Variants in AACS observed in about 807,000 individuals in gnomAD.
AACS encodes the protein acetoacetate-CoA ligase.
Under a neutral mutation model 83.1 loss-of-function variants are expected in AACS, and 69 were observed. The ratio of observed to expected loss-of-function variants is 0.83; its 90% CI spans 0.68 to 1.01. AACS has a LOEUF of 1.01. AACS is among the 50% of genes least tolerant of loss of function. The pLI, the probability that AACS is intolerant of heterozygous loss-of-function variation, is 0.00. For synonymous variants in AACS, 333 were observed against 343.4 expected, an observed-to-expected ratio of 0.97 and a Z score of 0.33; for missense variants, 866 against 882.2, an observed-to-expected ratio of 0.98 and a Z score of 0.23.
chr12:125,099,488 C>G (rs931990375), intron 5 of AACS, among the ~76,000 whole-genome samples: 1 of 152,114 alleles, frequency 6.6e-6, no homozygotes. Flanking sequence ...ATCTTTTATT[C>G]TGTAGTCAAG....
intron 1 of AACS, among the ~76,000 whole-genome samples, chr12:125,066,864 C>T (rs555803326): frequency 9.2e-5 from 14 of 152,228 alleles, no homozygotes; most frequent in Admixed American, 7.8e-4. Flanking sequence ...GGGATGGACA[C>T]CCCAGTCACC....
intron 12 of AACS, chr12:125,125,858 G>A (rs1957238390): frequency 6.6e-6 from 1 of 152,138 alleles, no homozygotes; most frequent in South Asian, 2.1e-4. Context: ...ATTACAAGGT[G>A]CGGTCATTTT....
At position 125,129,706 on chromosome 12, in the gene AACS, A is replaced by T. The variant is rs1957302582; in HGVS notation, c.1549+246A>T. Among the ~76,000 whole-genome samples, 1 of 152,102 alleles carries T rather than the reference A, an allele frequency of 6.6e-6. No individual in the cohort carries two copies. Among genetic ancestry groups the T allele is most frequent in the Non-Finnish European group, 1.5e-5 (1 of 68,032 alleles). On this transcript the variant is annotated intron_variant, in intron 14 of 17. Transcript: ENST00000316519. This position sits in a 1 kb window ranked among gnomAD's most constrained non-coding sequence, Gnocchi z 4.3. ...TTGAATCTCAGCCACCTCTGCCCAGAGCCTCTTGGCCCCAGCCCCTGCTGC... is the reference window on the plus strand; with the variant it reads ...TTGAATCTCAGCCACCTCTGCCCAGTGCCTCTTGGCCCCAGCCCCTGCTGC...
intron 1 of AACS, among the ~76,000 whole-genome samples, chr12:125,071,890 T>C (rs576398218): frequency 2.7e-4 from 41 of 152,264 alleles, no homozygotes; most frequent in African/African-American, 9.4e-4. Context: ...AGAGTTTCGC[T>C]CTTGTTGCCC....
In AACS at chr12:125,113,256, C is replaced by A. The variant is rs569371491; in HGVS notation, c.916-1221C>A. Reference sequence around the variant, plus strand: ...TTCCCTTGGGTATAATGAGGGCCTTCATGGCTGGGTTTTAATATATAAGTC... The same window carrying A: ...TTCCCTTGGGTATAATGAGGGCCTTAATGGCTGGGTTTTAATATATAAGTC... On this transcript the variant is annotated intron_variant, in intron 8 of 17. Coordinates refer to ENST00000316519, the MANE Select transcript of AACS (RefSeq NM_023928.5). The surrounding 1 kb of genome is among the most constrained non-coding windows in gnomAD (Gnocchi z 4.8). 6.6e-5 allele frequency among the ~76,000 whole-genome samples: 10 copies of A among 152,222 alleles called. No individual in the cohort carries two copies. Among genetic ancestry groups the A allele is most frequent in the Admixed American group, 1.3e-4 (2 of 15,288 alleles).
At position 125,065,620 on chromosome 12, in the gene AACS, C is replaced by T. The variant is rs768854343; in HGVS notation, c.36C>T (p.Ile12=). 2.7e-5 allele frequency: 42 copies of T among 1,540,012 alleles called. No homozygotes were observed. The African/African-American group carries it at 5.6e-4, about 21-fold the overall frequency. Residue 12 remains isoleucine (I), a synonymous_variant, in exon 1 of 18, where the codon ATC becomes ATT. Transcript: ENST00000316519. ...AGGAGCGCCCCGGTCGGGAGGAGAT[C>T]CTGGAGTGCCAGGTGATGTGGGAGC... is the stretch of plus-strand genomic sequence containing the variant. ...SKEERPGREE[I]LECQVMWEPD...
In AACS at chr12:125,073,925, C is replaced by T; in HGVS notation, c.183C>T (p.Phe61=). ...GGTCCGTTGAGTCATATTCAGACTT[C>T]TGGGCAGAGTTCTGGAAATTCAGTG... is the stretch of plus-strand genomic sequence containing the variant. ...YHWSVESYSD[F]WAEFWKFSGI... Residue 61 remains phenylalanine (F), a synonymous_variant, in exon 2 of 18, where the codon TTC becomes TTT. Coordinates refer to ENST00000316519, the MANE Select transcript of AACS (RefSeq NM_023928.5). 6.2e-7 allele frequency: 1 copy of T among 1,614,130 alleles called. No homozygotes were observed. The highest frequency in any genetic ancestry group is 1.3e-5 in the African/African-American group (1 of 75,028).
chr12:125,114,524 G>T lies in AACS; in HGVS notation c.963G>T (p.Met321Ile). ...HLKEHLLHGN[M>I]TSSDILLCYT... is the part of the protein sequence containing the mutation. The stretch of plus-strand genomic sequence containing the variant: ...AGGAGCACCTGCTGCACGGCAACAT[G>T]ACCAGCAGTGACATCCTCCTGTGCT... The change falls in exon 9 of 18, where the codon ATG becomes ATT. Residue 321 changes from methionine (M) to isoleucine (I), a missense_variant. Met to Ile is a conservative substitution (Grantham distance 10). Transcript: ENST00000316519. 6.2e-7 allele frequency: 1 copy of T among 1,613,426 alleles called. No individual in the cohort carries two copies. The highest frequency in any genetic ancestry group is 1.1e-5 in the South Asian group (1 of 91,014).
At chr12:125,141,662 A>C (rs978955453) in intron 17 of AACS, 1 of 153,388 alleles carries the variant, frequency 6.5e-6, no homozygotes, top group African/African-American at 2.5e-5. Context: ...GCACCACTGC[A>C]CTCCAGCCTG....
At chr12:125,067,595 G>A (rs761598231) in intron 1 of AACS, among the ~76,000 whole-genome samples, 5 of 151,734 alleles carry the variant, frequency 3.3e-5, no homozygotes, top group South Asian at 2.1e-4. Context: ...GTGCGACGGC[G>A]CAATCTCGGC....
chr12:125,087,405 T>C (rs1303417465), intron 4 of AACS, among the ~76,000 whole-genome samples: 1 of 152,268 alleles, frequency 6.6e-6, no homozygotes, highest in Non-Finnish European at 1.5e-5. Flanking sequence ...TAAAGGCCTG[T>C]GCATGGACCT....
Position 125,073,856 on chromosome 12 carries a change from C to T in AACS, c.134-20C>T. ...CCAAGATTTCCCTTCTAAGGTTAAT[C>T]TGAGCTATTTCATTTTTAGAGAGTT... On this transcript the variant is annotated intron_variant, in intron 1 of 17. Coordinates refer to ENST00000316519, the MANE Select transcript of AACS (RefSeq NM_023928.5). 2.5e-6 allele frequency: 4 copies of T among 1,591,300 alleles called. No individual in the cohort carries two copies. Among genetic ancestry groups the T allele is most frequent in the Non-Finnish European group, 3.4e-6 (4 of 1,160,630 alleles).
intron 1 of AACS, among the ~76,000 whole-genome samples, chr12:125,066,054 C>T (rs1260164942): frequency 6.6e-6 from 1 of 152,194 alleles, no homozygotes; most frequent in East Asian, 1.9e-4. Context: ...TCTTGACCTC[C>T]GGCCTGTGGG....
intron 9 of AACS, among the ~76,000 whole-genome samples, chr12:125,115,632 C>G (rs1957040568): frequency 2.0e-5 from 3 of 152,196 alleles, no homozygotes; most frequent in Admixed American, 2.0e-4. Context: ...CAGGGCCCTT[C>G]TGTGCCCCTT....
intron 9 of AACS, 62 bp from the exon 10 acceptor site, chr12:125,118,579 G>C (rs984885582): frequency 7.5e-6 from 12 of 1,590,484 alleles, no homozygotes; most frequent in African/African-American, 1.3e-5. Flanking sequence ...GGAAGCTGAG[G>C]GGGCAGCGCT....
chr12:125,093,842 G>A (rs1271166890), intron 5 of AACS, among the ~76,000 whole-genome samples: 2 of 152,206 alleles, frequency 1.3e-5, no homozygotes, highest in East Asian at 1.9e-4. Flanking sequence ...ACTCGCACTC[G>A]AACTGAGATC....
chr12:125,067,045 T>C (rs546062988), intron 1 of AACS, among the ~76,000 whole-genome samples: 1 of 152,322 alleles, frequency 6.6e-6, no homozygotes, highest in Admixed American at 6.5e-5. Flanking sequence ...AGAGTAATCT[T>C]GAAGCATACA....
chr12:125,139,439 A>G (rs1356239278), intron 17 of AACS: 1 of 152,394 alleles, frequency 6.6e-6, no homozygotes, highest in Non-Finnish European at 1.5e-5. Flanking sequence ...CCCCTGAGGC[A>G]TGACTTTGGG....
chr12:125,082,395 C>T (rs150519000), intron 3 of AACS, among the ~76,000 whole-genome samples: 8,217 of 148,822 alleles, frequency 0.055, 716 homozygotes, highest in African/African-American at 0.19. Context: ...AGGCTGGTCT[C>T]GAACTCCTGG....
Sources: gnomAD v4.1 joint callset for allele counts (sites outside exome capture counted in the v4.1 genomes callset) on GRCh38, gnomAD v4.1.1 for gene constraint, Gnocchi (gnomAD v3.1) non-coding constraint, MANE v1.5 for transcripts, NCBI Gene and HGNC (gene_info 2026-07-23, HGNC 2026-07-21) for gene names.